The following KCNIP3 variants were observed in gnomAD, a reference collection of about 807,000 sequenced individuals.
KCNIP3 encodes potassium voltage-gated channel interacting protein 3.
A neutral mutation model predicts 35.0 loss-of-function variants in KCNIP3; 28 were observed. That is an observed-to-expected ratio of 0.80 (90% CI 0.59 to 1.10). The LOEUF (loss-of-function observed/expected upper bound fraction) is 1.10. KCNIP3 is among the 50% of genes least tolerant of loss of function. The probability of loss-of-function intolerance (pLI) is 0.00; values close to 1 mark genes in which losing one functional copy is unlikely to be tolerated. For synonymous variants in KCNIP3, 134 were observed against 133.8 expected, an observed-to-expected ratio of 1.00 and a Z score of -0.01; for missense variants, 295 against 338.4, an observed-to-expected ratio of 0.87 and a Z score of 1.01.
At chr2:95,333,387 C>T (rs563144791) in intron 2 of KCNIP3, among the ~76,000 whole-genome samples, 9 of 152,320 alleles carry the variant, frequency 5.9e-5, no homozygotes, top group South Asian at 2.1e-4. Flanking sequence ...TACATCCCTC[C>T]GGATTGAGAA....
intron 2 of KCNIP3, among the ~76,000 whole-genome samples, chr2:95,324,716 G>T (rs1161263178): frequency 3.7e-4 from 56 of 151,790 alleles, no homozygotes; most frequent in African/African-American, 9.2e-4. Context: ...TTCGAGACCA[G>T]CCTGGCCAAT....
At chr2:95,318,324 C>T (rs1678508738) in intron 2 of KCNIP3, among the ~76,000 whole-genome samples, 1 of 152,200 alleles carries the variant, frequency 6.6e-6, no homozygotes, top group Admixed American at 6.5e-5. Context: ...CCCAGGCCCT[C>T]CCCGTCTCCT....
intron 2 of KCNIP3, among the ~76,000 whole-genome samples, chr2:95,318,811 G>T (rs1453826393): frequency 1.3e-5 from 2 of 152,242 alleles, no homozygotes; most frequent in Non-Finnish European, 2.9e-5. Context: ...AGGAGAGTAG[G>T]CTAAAGAAGT....
intron 2 of KCNIP3, among the ~76,000 whole-genome samples, chr2:95,331,732 A>G (rs1678932293): frequency 6.6e-6 from 1 of 152,252 alleles, no homozygotes; most frequent in Admixed American, 6.5e-5. Flanking sequence ...GAGGGCTCCC[A>G]GCTTCTTACC....
chr2:95,309,581 G>A (rs576614114), intron 1 of KCNIP3, among the ~76,000 whole-genome samples: 9 of 151,708 alleles, frequency 5.9e-5, no homozygotes, highest in East Asian at 3.9e-4. Flanking sequence ...ATGCCACCAC[G>A]TCTGGCTAAT....
intron 2 of KCNIP3, among the ~76,000 whole-genome samples, chr2:95,321,902 C>T (rs1034064345): frequency 1.3e-5 from 2 of 152,030 alleles, no homozygotes; most frequent in African/African-American, 2.4e-5. Flanking sequence ...ATCCCCTGAC[C>T]GCCATGCTAG....
At chr2:95,345,017 G>A (rs975283458) in intron 2 of KCNIP3, among the ~76,000 whole-genome samples, 6 of 152,232 alleles carry the variant, frequency 3.9e-5, no homozygotes, top group African/African-American at 1.4e-4. Flanking sequence ...TTTCTCTGGG[G>A]ATTGTTAGCC....
chr2:95,313,190 C>T (rs1678366058), intron 2 of KCNIP3: 1 of 152,260 alleles, frequency 6.6e-6, no homozygotes. Flanking sequence ...AGAAGTGGGG[C>T]CAGAGACACA....
In KCNIP3 at chr2:95,384,330, G is replaced by A. The variant is rs909162829; in HGVS notation, c.*281G>A. The A allele has an allele frequency of 8.0e-6, 4 of 499,850 alleles. No homozygotes were observed. Among genetic ancestry groups the A allele is most frequent in the Non-Finnish European group, 1.4e-5 (4 of 277,592 alleles). 31.0% of individuals were successfully genotyped at this position (499,850 alleles called of 1,614,324 possible). The stretch of plus-strand genomic sequence containing the variant: ...GCGAGGCGAGGCTGCCTCTGGGTGA[G>A]TGGCTGACAGAGCAGGTCTGCAGGC... On this transcript the variant is annotated 3_prime_UTR_variant, in exon 9 of 9. Transcript: ENST00000295225.
At chr2:95,315,689 A>G (rs1428546876) in intron 2 of KCNIP3, among the ~76,000 whole-genome samples, 1 of 152,072 alleles carries the variant, frequency 6.6e-6, no homozygotes, top group African/African-American at 2.4e-5. Flanking sequence ...AGTGTCACCT[A>G]GAGTTGGGGC....
Position 95,326,384 on chromosome 2 carries a change from A to G in KCNIP3, c.181+15864A>G, listed in dbSNP as rs150077884. 2.5e-3 allele frequency among the ~76,000 whole-genome samples: 385 copies of G among 152,284 alleles called. 2 individuals carry two copies. The highest frequency in any genetic ancestry group is 4.2e-3 in the Non-Finnish European group (287 of 68,026). ...CACCCCAGTACACACTCACACTCAC[A>G]TACACATACATGCACACACACGTTC... On this transcript the variant is annotated intron_variant, in intron 2 of 8. Transcript: ENST00000295225.
chr2:95,318,476 A>G (rs2104222299), intron 2 of KCNIP3, among the ~76,000 whole-genome samples: 1 of 152,328 alleles, frequency 6.6e-6, no homozygotes, highest in East Asian at 1.9e-4. Flanking sequence ...AAAACCTATG[A>G]AACCTAAGCA....
At position 95,347,079 on chromosome 2, in the gene KCNIP3, C is replaced by G. The variant is rs777240309; in HGVS notation, c.182-27217C>G. The G allele has an allele frequency of 9.9e-6, 16 of 1,612,158 alleles. No homozygotes were observed. The South Asian group carries it at 1.5e-4, about 16-fold the overall frequency. The stretch of plus-strand genomic sequence containing the variant: ...CCGTGGTGGTGCTGCTGTTCATCGC[C>G]GTCCTCAAGCAGTTCGGCATCCTGG... On this transcript the variant is annotated intron_variant, in intron 2 of 8. Coordinates refer to ENST00000295225, the MANE Select transcript of KCNIP3 (RefSeq NM_013434.5).
intron 2 of KCNIP3, among the ~76,000 whole-genome samples, chr2:95,364,550 C>T (rs529759677): frequency 2.6e-5 from 4 of 152,290 alleles, no homozygotes; most frequent in South Asian, 2.1e-4. Context: ...TATTGAATCA[C>T]GGGCGCGGAT....
intron 2 of KCNIP3, among the ~76,000 whole-genome samples, chr2:95,331,409 G>C (rs1420369576): frequency 6.6e-6 from 1 of 152,152 alleles, no homozygotes; most frequent in Non-Finnish European, 1.5e-5. Context: ...TCAAGTCTGA[G>C]ACATCTAAAG....
At chr2:95,297,561 C>T in intron 1 of KCNIP3, 108 bp downstream of exon 1, 1 of 855,472 alleles carries the variant, frequency 1.2e-6, no homozygotes, top group South Asian at 1.8e-5. Context: ...GACCCTTGTC[C>T]CCTCTTGTTC....
intron 2 of KCNIP3, 93 bp from the exon 3 acceptor site, chr2:95,374,203 C>A (rs1573519598): frequency 6.8e-7 from 1 of 1,479,584 alleles, no homozygotes; most frequent in Non-Finnish European, 9.2e-7. Context: ...AGTTCCTCCA[C>A]CTGCTATTTT....
chr2:95,364,214 G>GT (rs962140655), intron 2 of KCNIP3, among the ~76,000 whole-genome samples: 15 of 152,038 alleles, frequency 9.9e-5, no homozygotes, highest in African/African-American at 2.2e-4. Flanking sequence ...TTTGCTGAGA[G>GT]TTTTTTTTGG....
intron 1 of KCNIP3, among the ~76,000 whole-genome samples, chr2:95,301,852 CTGTGTG>C (rs141927142): frequency 8.6e-4 from 129 of 149,196 alleles, no homozygotes; most frequent in South Asian, 1.7e-3. Flanking sequence ...GGGCCCAGGG[CTGTGTG>C]TGTGTGTGTG....
Sources: gnomAD v4.1 joint callset for allele counts (sites outside exome capture counted in the v4.1 genomes callset) on GRCh38, gnomAD v4.1.1 for gene constraint, MANE v1.5 for transcripts, NCBI Gene and HGNC (gene_info 2026-07-23, HGNC 2026-07-21) for gene names.